The following CHD7 variants were observed in gnomAD, a reference collection of about 807,000 sequenced individuals.
The protein encoded by CHD7 is ATP-dependent chromatin remodeler CHD7.
CHD7 carries 24 observed loss-of-function variants against 307.3 expected under a neutral mutation model. The ratio of observed to expected loss-of-function variants is 0.08; its 90% CI spans 0.06 to 0.11. The LOEUF is 0.11. CHD7 is among the 10% of genes least tolerant of loss of function. The pLI, the probability that CHD7 is intolerant of heterozygous loss-of-function variation, is 1.00. For synonymous variants in CHD7, 1,363 were observed against 1,349.9 expected (o/e 1.01, Z -0.21); for missense variants, 3,106 against 3,727.1 (o/e 0.83, Z 4.34).
At position 60,853,463 on chromosome 8, in the gene CHD7, G is replaced by A. The variant is rs61729627; in HGVS notation, c.6738G>A (p.Glu2246=). 2.9e-3 allele frequency: 4,373 copies of A among 1,517,488 alleles called. 108 individuals are homozygous for A. In the African/African-American group the frequency reaches 0.05, roughly 17 times the overall value. 94.0% of individuals were successfully genotyped at this position (1,517,488 alleles called of 1,614,324 possible). The change falls in exon 31 of 38, where the codon GAG becomes GAA. Residue 2246 remains glutamate (E), a synonymous_variant. Coordinates refer to ENST00000423902, the MANE Select transcript of CHD7 (RefSeq NM_017780.4). ...AAGAGGATGAAGAGGAAAAGCTGGAGGATGACGATAAGTCGGAAGAGTCTT... is the reference window on the plus strand; with the variant it reads ...AAGAGGATGAAGAGGAAAAGCTGGAAGATGACGATAAGTCGGAAGAGTCTT... ...GSEEDEEEKL[E]DDDKSEESSQ...
At chr8:60,684,696 T>G (rs1440691806) in intron 1 of CHD7, among the ~76,000 whole-genome samples, 1 of 152,188 alleles carries the variant, frequency 6.6e-6, no homozygotes, top group Non-Finnish European at 1.5e-5. Flanking sequence ...GCAGGCAGTA[T>G]CCAACTTGGT....
intron 2 of CHD7, among the ~76,000 whole-genome samples, chr8:60,773,988 T>G (rs564420506): frequency 6.6e-6 from 1 of 152,342 alleles, no homozygotes; most frequent in East Asian, 1.9e-4. Context: ...CATCTTAACC[T>G]GCAGATTAGG....
chr8:60,753,541 A>C (rs1809742037), intron 2 of CHD7, among the ~76,000 whole-genome samples: 1 of 152,226 alleles, frequency 6.6e-6, no homozygotes, highest in Admixed American at 6.5e-5. Flanking sequence ...TGAAGAAAAC[A>C]AACAACAACA....
At chr8:60,781,486 C>T (rs1423568809) in intron 3 of CHD7, 56 bp downstream of exon 3, 7 of 1,474,088 alleles carry the variant, frequency 4.7e-6, no homozygotes, top group Middle Eastern at 1.8e-4. Context: ...GAAATTAGCG[C>T]CAAATAGTTA....
At chr8:60,805,506 C>T (rs1291166434) in intron 6 of CHD7, among the ~76,000 whole-genome samples, 1 of 152,198 alleles carries the variant, frequency 6.6e-6, no homozygotes, top group Non-Finnish European at 1.5e-5. Context: ...ACTCTCTTGT[C>T]AGGCATCTTC....
chr8:60,766,567 A>G (rs1810478851), intron 2 of CHD7, among the ~76,000 whole-genome samples: 1 of 152,220 alleles, frequency 6.6e-6, no homozygotes, highest in Non-Finnish European at 1.5e-5. Context: ...TGTCACCTGA[A>G]TAAGGATAGC....
intron 1 of CHD7, among the ~76,000 whole-genome samples, chr8:60,697,435 A>G (rs578020240): frequency 5.7e-4 from 87 of 152,350 alleles, no homozygotes; most frequent in African/African-American, 2.1e-3. Context: ...TATCTTCTAT[A>G]GCAAACAGAG....
chr8:60,801,547 G>T lies in CHD7; in HGVS notation c.2396G>T (p.Gly799Val), dbSNP rs1167408520. 2.5e-6 allele frequency: 4 copies of T among 1,574,388 alleles called. No homozygotes were observed. The highest frequency in any genetic ancestry group is 1.7e-4 in the Middle Eastern group (1 of 6,018). ...TTTTAGGAATCTGTTGATGCAGAAG[G>T]CCCAGTGGTAGAAAAAATTATGAGC... ...SEQQESVDAE[G>V]PVVEKIMSSR... The change falls in exon 6 of 38, where the codon GGC (glycine) becomes GTC (valine). Residue 799 changes from glycine (G) to valine (V), a missense_variant. By Grantham distance (109) the Gly-to-Val change is moderately radical. Coordinates refer to ENST00000423902, the MANE Select transcript of CHD7 (RefSeq NM_017780.4).
chr8:60,719,986 C>T (rs1055421548), intron 1 of CHD7, among the ~76,000 whole-genome samples: 3 of 152,186 alleles, frequency 2.0e-5, no homozygotes, highest in African/African-American at 7.2e-5. Context: ...TGAAAGCCCC[C>T]ACCCCTGATA....
intron 6 of CHD7, among the ~76,000 whole-genome samples, chr8:60,802,807 T>C (rs1388064775): frequency 6.6e-6 from 1 of 152,230 alleles, no homozygotes; most frequent in East Asian, 1.9e-4. Flanking sequence ...TATTGAGTGA[T>C]CCTTGAACAT....
At chr8:60,796,375 T>G (rs567406972) in intron 4 of CHD7, among the ~76,000 whole-genome samples, 4 of 152,256 alleles carry the variant, frequency 2.6e-5, no homozygotes, top group African/African-American at 7.2e-5. Context: ...CTGGTCTTAC[T>G]GAATCAAGTG....
intron 3 of CHD7, among the ~76,000 whole-genome samples, chr8:60,784,070 C>T (rs912460015): frequency 6.6e-6 from 1 of 152,112 alleles, no homozygotes; most frequent in African/African-American, 2.4e-5. Flanking sequence ...GAAACAGCAT[C>T]CCTGGAGCAA....
In CHD7 at chr8:60,822,101, C is replaced by T; in HGVS notation, c.2913C>T (p.Tyr971=). The change falls in exon 11 of 38, where the codon TAC becomes TAT. Residue 971 remains tyrosine, a synonymous_variant. Transcript: ENST00000423902. The part of the protein sequence containing the change: ...EYKNNNKLRE[Y]QLEGVNWLLF... ...AAAACAATAACAAACTCAGGGAATA[C>T]CAGTTGGAGGGAGTAAACTGGCTAC... 1 of 1,613,562 alleles carries T rather than the reference C, an allele frequency of 6.2e-7. No homozygotes were observed. Among genetic ancestry groups the T allele is most frequent in the Non-Finnish European group, 8.5e-7 (1 of 1,179,658 alleles).
chr8:60,694,217 A>G (rs1165726306), intron 1 of CHD7, among the ~76,000 whole-genome samples: 1 of 152,240 alleles, frequency 6.6e-6, no homozygotes, highest in African/African-American at 2.4e-5. Flanking sequence ...GAAAAATGTT[A>G]TTAACTTTTT....
At chr8:60,823,487 A>T (rs1804137909) in intron 12 of CHD7, among the ~76,000 whole-genome samples, 1 of 152,196 alleles carries the variant, frequency 6.6e-6, no homozygotes, top group African/African-American at 2.4e-5. Flanking sequence ...CAATTAAATA[A>T]CTAAAGGAGA....
chr8:60,822,306 A>G (rs1804079541), intron 11 of CHD7, among the ~76,000 whole-genome samples, 161 bp downstream of exon 11: 1 of 152,206 alleles, frequency 6.6e-6, no homozygotes, highest in Non-Finnish European at 1.5e-5. Flanking sequence ...ATATTAATAC[A>G]GAGATTGATA....
intron 25 of CHD7, 50 bp from the exon 26 acceptor site, chr8:60,850,443 G>C: frequency 1.3e-6 from 2 of 1,568,864 alleles, no homozygotes; most frequent in Non-Finnish European, 1.7e-6. Flanking sequence ...CAGTGATGGG[G>C]CCTTTCTTTG....
At chr8:60,720,050 A>T (rs1807820827) in intron 1 of CHD7, among the ~76,000 whole-genome samples, 2 of 152,204 alleles carry the variant, frequency 1.3e-5, no homozygotes, top group Non-Finnish European at 1.5e-5. Flanking sequence ...AAGGTTGCAG[A>T]GTGTGAGCAT....
intron 5 of CHD7, 103 bp downstream of exon 5, chr8:60,800,628 A>G (rs909992591): frequency 7.8e-6 from 9 of 1,155,298 alleles, no homozygotes; most frequent in Non-Finnish European, 1.1e-5. Flanking sequence ...GACTTTCAGC[A>G]GGGGAACATC....
Sources: gnomAD v4.1 joint callset for allele counts (sites outside exome capture counted in the v4.1 genomes callset) on GRCh38, gnomAD v4.1.1 for gene constraint, MANE v1.5 for transcripts, NCBI Gene and HGNC (gene_info 2026-07-23, HGNC 2026-07-21) for gene names.